ASPRV1: variants seen among roughly 807,000 people sequenced by gnomAD.
ASPRV1 encodes retroviral-like aspartic protease 1.
A neutral mutation model predicts 11.0 loss-of-function variants in ASPRV1; 7 were observed. The observed-to-expected ratio is 0.64, with a 90% CI of 0.36 to 1.20. ASPRV1 has a LOEUF of 1.20. Ranked by LOEUF, ASPRV1 falls within the 50% of genes most tolerant of loss-of-function variation. The probability of loss-of-function intolerance (pLI) is 0.02; values close to 1 mark genes in which losing one functional copy is unlikely to be tolerated. For synonymous variants in ASPRV1, 136 were observed against 138.4 expected (o/e 0.98, Z 0.12); for missense variants, 299 against 320.0 (o/e 0.93, Z 0.50).
chr2:69,986,644 A>G, the ASPRV1 span, among the ~76,000 whole-genome samples: 2 of 152,180 alleles, frequency 1.3e-5, no homozygotes, highest in Non-Finnish European at 2.9e-5. Flanking sequence ...GCTCCTCTTC[A>G]GGACCTGGGG....
At chr2:69,953,707 T>C in the ASPRV1 span, among the ~76,000 whole-genome samples, 58 of 96,808 alleles carry the variant, frequency 6.0e-4, no homozygotes, top group African/African-American at 2.8e-3. Context: ...TTTTTTTTTC[T>C]TTTTTTTCTT....
chr2:69,982,203 G>T, the ASPRV1 span, among the ~76,000 whole-genome samples: 10 of 151,912 alleles, frequency 6.6e-5, no homozygotes, highest in Non-Finnish European at 1.3e-4. Context: ...TTAAGGCTAG[G>T]CATGGTGGCT....
chr2:69,993,221 A>ACC, the ASPRV1 span, among the ~76,000 whole-genome samples: 1 of 151,978 alleles, frequency 6.6e-6, no homozygotes, highest in African/African-American at 2.4e-5. Context: ...ACACCTGCCT[A>ACC]CCCCTCCGCC....
At chr2:70,080,941 T>G in the ASPRV1 span, 7 of 152,194 alleles carry the variant, frequency 4.6e-5, no homozygotes, top group African/African-American at 1.7e-4. Context: ...GCAGCTGGGC[T>G]AACTGTTTTG....
chr2:69,956,213 A>G (rs917339813), downstream of ASPRV1, among the ~76,000 whole-genome samples: 3 of 152,138 alleles, frequency 2.0e-5, no homozygotes, highest in Non-Finnish European at 4.4e-5. Context: ...ACTCATAGAA[A>G]AATAAGAATC....
At chr2:70,015,553 C>G in the ASPRV1 span, 95 of 152,300 alleles carry the variant, frequency 6.2e-4, no homozygotes, top group African/African-American at 2.3e-3. Context: ...CACAGAGGTA[C>G]TGGAAGCAAT....
At chr2:70,067,413 A>T in the ASPRV1 span, among the ~76,000 whole-genome samples, 1 of 152,214 alleles carries the variant, frequency 6.6e-6, no homozygotes, top group African/African-American at 2.4e-5. Flanking sequence ...GAGATTTGGG[A>T]ATCATCCACG....
the ASPRV1 span, among the ~76,000 whole-genome samples, chr2:70,076,597 G>A: frequency 6.6e-6 from 1 of 152,088 alleles, no homozygotes. Flanking sequence ...CTCGAATACC[G>A]TAAGTCAAAA....
the ASPRV1 span, chr2:69,970,888 C>G: frequency 6.6e-6 from 1 of 152,128 alleles, no homozygotes; most frequent in Non-Finnish European, 1.5e-5. Context: ...TTTTTTTGGC[C>G]GGGCACAGTG....
In ASPRV1 at chr2:69,961,102, T is replaced by C. The variant is rs1213907197; in HGVS notation, c.335A>G (p.Tyr112Cys). Residue 112 changes from tyrosine to cysteine, a missense_variant, in exon 1 of 1, where the codon TAC becomes TGC. Tyr to Cys is a radical substitution (Grantham distance 194). Coordinates refer to ENST00000320256, the MANE Select transcript of ASPRV1 (RefSeq NM_152792.4). ...IVFANSMGKG[Y>C]YLKGKIGKVP... The stretch of plus-strand genomic sequence containing the variant: ...TTTGCCAATCTTCCCCTTGAGATAG[T>C]AGCCCTTACCCATGCTGTTGGCAAA... 3 of 1,613,892 alleles carry C rather than the reference T, an allele frequency of 1.9e-6. No homozygotes were observed. Among genetic ancestry groups the C allele is most frequent in the Non-Finnish European group, 1.7e-6 (2 of 1,179,920 alleles).
the ASPRV1 span, among the ~76,000 whole-genome samples, chr2:69,950,508 G>T: frequency 2.0e-5 from 3 of 150,030 alleles, no homozygotes; most frequent in Admixed American, 2.0e-4. Flanking sequence ...CATACTGTGA[G>T]GTTTATAACA....
At chr2:70,078,164 A>AT in the ASPRV1 span, among the ~76,000 whole-genome samples, 5 of 152,342 alleles carry the variant, frequency 3.3e-5, no homozygotes, top group South Asian at 1.0e-3. Context: ...TTCAAAAAAA[A>AT]TAATAATTAA....
At chr2:69,959,865 A>G (rs373950274), downstream of ASPRV1, among the ~76,000 whole-genome samples, 19 of 152,238 alleles carry the variant, frequency 1.2e-4, 1 homozygote, top group East Asian at 7.7e-4. Flanking sequence ...ACAGATTGAA[A>G]TAAGTAGAGG....
chr2:70,063,522 T>C, the ASPRV1 span, among the ~76,000 whole-genome samples: 221 of 152,316 alleles, frequency 1.5e-3, 2 homozygotes, highest in African/African-American at 5.1e-3. Flanking sequence ...GAGAGCTCAC[T>C]CCCTTCACCC....
At chr2:69,982,091 C>T in the ASPRV1 span, among the ~76,000 whole-genome samples, 110 of 152,068 alleles carry the variant, frequency 7.2e-4, no homozygotes, top group African/African-American at 2.4e-3. Flanking sequence ...ATCCTTCCAT[C>T]CATCGGGCAC....
the ASPRV1 span, among the ~76,000 whole-genome samples, chr2:70,086,647 T>C: frequency 6.6e-6 from 1 of 152,174 alleles, no homozygotes; most frequent in Non-Finnish European, 1.5e-5. Flanking sequence ...AAACGAGGCC[T>C]CCACAGGCGT....
the ASPRV1 span, among the ~76,000 whole-genome samples, chr2:69,968,031 AAGAT>A: frequency 6.6e-6 from 1 of 152,148 alleles, no homozygotes; most frequent in African/African-American, 2.4e-5. Flanking sequence ...GCAGTGAGCT[AAGAT>A]AGAGCCACTG....
chr2:69,972,078 T>C, the ASPRV1 span, among the ~76,000 whole-genome samples: 2 of 152,128 alleles, frequency 1.3e-5, no homozygotes, highest in East Asian at 3.9e-4. Context: ...TTTTTTTTTT[T>C]TGAGACGGAG....
At chr2:70,062,766 A>C in the ASPRV1 span, among the ~76,000 whole-genome samples, 5 of 152,080 alleles carry the variant, frequency 3.3e-5, no homozygotes, top group Admixed American at 2.0e-4. Flanking sequence ...CAGCCACCAC[A>C]CTCCAGCTTG....
Sources: gnomAD v4.1 joint callset for allele counts (sites outside exome capture counted in the v4.1 genomes callset) on GRCh38, gnomAD v4.1.1 for gene constraint, MANE v1.5 for transcripts, NCBI Gene and HGNC (gene_info 2026-07-23, HGNC 2026-07-21) for gene names.